MATN2: variants seen among roughly 807,000 people sequenced by gnomAD.
MATN2 encodes the protein matrilin-2.
In MATN2, 69 loss-of-function variants were observed where a neutral mutation model predicts 103.2. The ratio of observed to expected loss-of-function variants is 0.67; its 90% CI spans 0.55 to 0.82. MATN2 has a LOEUF of 0.82. Ranked by LOEUF, MATN2 falls within the 40% of genes least tolerant of loss-of-function variation. The pLI, the probability that MATN2 is intolerant of heterozygous loss-of-function variation, is 0.00. For missense variants in MATN2, 1,023 were observed against 1,211.5 expected, an observed-to-expected ratio of 0.84 and a Z score of 2.31; for synonymous variants, 429 against 450.2, an observed-to-expected ratio of 0.95 and a Z score of 0.60.
intron 3 of MATN2, among the ~76,000 whole-genome samples, chr8:97,934,737 G>T (rs1243465707): frequency 1.3e-5 from 2 of 152,186 alleles, no homozygotes; most frequent in Non-Finnish European, 2.9e-5. Flanking sequence ...TCCACATGTT[G>T]CAAGAGAAAA....
chr8:98,020,748 GCTCT>G (rs1301230010), intron 12 of MATN2, among the ~76,000 whole-genome samples: 1 of 152,190 alleles, frequency 6.6e-6, no homozygotes, highest in African/African-American at 2.4e-5. Context: ...CAGCAGTGAA[GCTCT>G]CTGAGGATCT....
chr8:98,022,470 A>C (rs1334105437), intron 13 of MATN2, among the ~76,000 whole-genome samples: 2 of 152,240 alleles, frequency 1.3e-5, no homozygotes, highest in African/African-American at 4.8e-5. Flanking sequence ...TTTAGAAAGA[A>C]TTAAGCAGCA....
At chr8:97,991,185 A>T (rs1240330566) in intron 6 of MATN2, among the ~76,000 whole-genome samples, 2 of 152,240 alleles carry the variant, frequency 1.3e-5, no homozygotes, top group Non-Finnish European at 2.9e-5. Flanking sequence ...GTCAGGAGCC[A>T]CACGTGGCCA....
chr8:97,996,591 C>T (rs539221060), intron 7 of MATN2, among the ~76,000 whole-genome samples: 93 of 152,270 alleles, frequency 6.1e-4, no homozygotes, highest in African/African-American at 2.2e-3. Flanking sequence ...CCCAACGTCC[C>T]GCCTCATCGT....
At chr8:97,912,084 G>A (rs1809464897) in intron 2 of MATN2, among the ~76,000 whole-genome samples, 1 of 152,200 alleles carries the variant, frequency 6.6e-6, no homozygotes, top group Admixed American at 6.5e-5. Context: ...GGAGGCTGCT[G>A]CCCCGTTACA....
intron 5 of MATN2, among the ~76,000 whole-genome samples, chr8:97,971,925 G>A (rs1180596476): frequency 6.6e-6 from 1 of 151,790 alleles, no homozygotes; most frequent in African/African-American, 2.4e-5. Context: ...GCCAGGCATG[G>A]TGGCTCAAGC....
At position 98,005,052 on chromosome 8, in the gene MATN2, T is replaced by G. The variant is rs1375583999; in HGVS notation, c.1327+1269T>G. ...CATCTGCTCCCTTTGGAGAAAGAGA[T>G]AGATTGTGAGTGAGGACAGTGCAGC... On this transcript the variant is annotated intron_variant, in intron 8 of 18. Coordinates refer to ENST00000254898, the MANE Select transcript of MATN2 (RefSeq NM_002380.5). The surrounding 1 kb of genome is among the most constrained non-coding windows in gnomAD (Gnocchi z 4.6). Among the ~76,000 whole-genome samples the G allele has an allele frequency of 6.6e-6, 1 of 152,156 alleles. No individual in the cohort carries two copies. The highest frequency in any genetic ancestry group is 1.5e-5 in the Non-Finnish European group (1 of 68,020).
At chr8:97,925,124 G>A (rs1809948572) in intron 2 of MATN2, among the ~76,000 whole-genome samples, 1 of 152,164 alleles carries the variant, frequency 6.6e-6, no homozygotes. Context: ...GACAAAAAAA[G>A]GGAAATGATG....
At chr8:97,996,813 G>A (rs1401853374) in intron 7 of MATN2, among the ~76,000 whole-genome samples, 1 of 152,172 alleles carries the variant, frequency 6.6e-6, no homozygotes. Flanking sequence ...GAAGCCTGAG[G>A]TCTCTTGAGT....
intron 1 of MATN2, among the ~76,000 whole-genome samples, chr8:97,883,307 A>G (rs1818314749): frequency 6.6e-6 from 1 of 150,906 alleles, no homozygotes; most frequent in African/African-American, 2.4e-5. Flanking sequence ...AAAAAAGTGT[A>G]TATAGTCTGG....
chr8:97,943,623 G>A (rs1810648404), intron 4 of MATN2, among the ~76,000 whole-genome samples: 1 of 152,098 alleles, frequency 6.6e-6, no homozygotes. Context: ...ACAGCTGCAT[G>A]CCACCATGCC....
chr8:97,912,453 G>A (rs1392422007), intron 2 of MATN2, among the ~76,000 whole-genome samples: 2 of 152,322 alleles, frequency 1.3e-5, no homozygotes, highest in Non-Finnish European at 2.9e-5. Context: ...GAAACAAATC[G>A]TTGGCTCAAT....
Position 97,978,811 on chromosome 8 carries a change from C to T in MATN2, c.959-75C>T, listed in dbSNP as rs1811922703. 1.9e-5 allele frequency: 26 copies of T among 1,343,716 alleles called. No individual in the cohort carries two copies. The South Asian group carries it at 2.8e-4, about 15-fold the overall frequency. The allele number at this position is 1,343,716 out of a possible 1,614,324, so 83.2% of individuals were successfully genotyped here. On this transcript the variant is annotated intron_variant, in intron 5 of 18. Transcript: ENST00000254898. ...ATTAATCCTAATTAATATCTGTTAT[C>T]ATTTTGCCCTCATCCTACCATTCCC...
chr8:97,958,111 C>CT (rs766700797), intron 4 of MATN2, among the ~76,000 whole-genome samples: 1 of 152,160 alleles, frequency 6.6e-6, no homozygotes, highest in Non-Finnish European at 1.5e-5. Context: ...CAAAAGGGTT[C>CT]TTTTGTAACA....
intron 2 of MATN2, among the ~76,000 whole-genome samples, chr8:97,903,748 A>G (rs1022319455): frequency 3.9e-5 from 6 of 152,164 alleles, no homozygotes; most frequent in African/African-American, 1.4e-4. Flanking sequence ...TAGAGGAGGT[A>G]ACCTGTACCC....
intron 2 of MATN2, among the ~76,000 whole-genome samples, chr8:97,926,990 GCTCT>G (rs1371989576): frequency 2.0e-5 from 3 of 152,170 alleles, no homozygotes; most frequent in Non-Finnish European, 4.4e-5. Flanking sequence ...TCTCCAGAGA[GCTCT>G]CTATTTCTTT....
chr8:97,939,579 G>A (rs958276289), intron 3 of MATN2, among the ~76,000 whole-genome samples: 2 of 152,192 alleles, frequency 1.3e-5, no homozygotes. Context: ...GAGCCCCGGA[G>A]ATTGAGGCTG....
chr8:97,920,136 G>A (rs1328971188), intron 2 of MATN2, among the ~76,000 whole-genome samples: 1 of 152,180 alleles, frequency 6.6e-6, no homozygotes, highest in Non-Finnish European at 1.5e-5. Context: ...CCCTTGGGAT[G>A]GTGGCTTTTG....
At chr8:97,910,487 T>C (rs1029577341) in intron 2 of MATN2, among the ~76,000 whole-genome samples, 2 of 152,192 alleles carry the variant, frequency 1.3e-5, no homozygotes, top group Admixed American at 6.5e-5. Context: ...GAGTAATCCC[T>C]GGAGTGTAAC....
Sources: allele counts gnomAD v4.1 joint callset (sites outside exome capture counted in the v4.1 genomes callset), GRCh38; gene constraint gnomAD v4.1.1; non-coding constraint Gnocchi (gnomAD v3.1); transcripts MANE v1.5; gene names NCBI Gene and HGNC (gene_info 2026-07-23, HGNC 2026-07-21).